CAMSAP1: variants seen among roughly 807,000 people sequenced by gnomAD.
CAMSAP1 encodes calmodulin-regulated spectrin-associated protein 1.
CAMSAP1 carries 58 observed loss-of-function variants against 143.5 expected under a neutral mutation model. That is an observed-to-expected ratio of 0.40 (90% confidence interval 0.33 to 0.50). CAMSAP1 has a LOEUF of 0.50. CAMSAP1 is among the 20% of genes least tolerant of loss of function. The probability of loss-of-function intolerance (pLI) is 0.45; values close to 1 mark genes in which losing one functional copy is unlikely to be tolerated. For synonymous variants in CAMSAP1, 945 were observed against 859.3 expected (o/e 1.10, Z -1.74); for missense variants, 1,969 against 2,115.7 (o/e 0.93, Z 1.36).
intron 1 of CAMSAP1, among the ~76,000 whole-genome samples, chr9:135,898,452 C>A (rs1838521693): frequency 6.6e-6 from 1 of 152,112 alleles, no homozygotes; most frequent in Admixed American, 6.5e-5. Context: ...CCAAACTAGT[C>A]TGGGCAACAC....
chr9:135,817,168 C>CATTT (rs1359717115), intron 14 of CAMSAP1, among the ~76,000 whole-genome samples: 1 of 152,166 alleles, frequency 6.6e-6, no homozygotes, highest in Non-Finnish European at 1.5e-5. Context: ...CATTTCAAGG[C>CATTT]CATTCATCGC....
At chr9:135,877,733 G>T (rs773458003) in intron 3 of CAMSAP1, among the ~76,000 whole-genome samples, 1 of 152,030 alleles carries the variant, frequency 6.6e-6, no homozygotes, top group Non-Finnish European at 1.5e-5. Flanking sequence ...AATTGCTTGA[G>T]CCTGGGAGGT....
In CAMSAP1 at chr9:135,818,449, T is replaced by G; in HGVS notation, c.4127A>C (p.Glu1376Ala). 1 of 1,600,528 alleles carries G rather than the reference T, an allele frequency of 6.2e-7. No homozygotes were observed. Among genetic ancestry groups the G allele is most frequent in the Non-Finnish European group, 8.5e-7 (1 of 1,177,180 alleles). The change falls in exon 13 of 17, where the codon GAA becomes GCA. Residue 1376 changes from glutamate to alanine, a missense_variant. By Grantham distance (107) the Glu-to-Ala change is moderately radical. This residue lies in a region of CAMSAP1 where 1,390 missense variants were observed against 1,420.8 expected (regional missense o/e 0.98). Coordinates refer to ENST00000389532, the MANE Select transcript of CAMSAP1 (RefSeq NM_015447.4). This position sits in a 1 kb window ranked among gnomAD's most constrained non-coding sequence, Gnocchi z 7.7. The stretch of plus-strand genomic sequence containing the variant: ...GGTGCCGGAGTCGCTGCACGACTCT[T>G]CCCGGTGCACCGACTTCGGCCGCGG... ...KKPRPKSVHR[E>A]ESCSDSGTKC...
Position 135,826,376 on chromosome 9 carries a change from G to C in CAMSAP1, c.1223+1031C>G, listed in dbSNP as rs974147138. ...GCCCCACCTCTGCTCTGAGCTCTGG[G>C]GACAGACACCCCAGTCTCAAAGCCG... On this transcript the variant is annotated intron_variant, in intron 8 of 16. Coordinates refer to ENST00000389532, the MANE Select transcript of CAMSAP1 (RefSeq NM_015447.4). This position sits in a 1 kb window ranked among gnomAD's most constrained non-coding sequence, Gnocchi z 4.4. 6.6e-6 allele frequency: 1 copy of C among 152,216 alleles called. No individual in the cohort carries two copies. Among genetic ancestry groups the C allele is most frequent in the African/African-American group, 2.4e-5 (1 of 41,396 alleles). 9.4% of individuals were successfully genotyped at this position (152,216 alleles called of 1,614,324 possible).
intron 7 of CAMSAP1, among the ~76,000 whole-genome samples, chr9:135,848,190 A>G (rs1836645006): frequency 6.6e-6 from 1 of 151,994 alleles, no homozygotes; most frequent in African/African-American, 2.4e-5. Context: ...AATAGTTACC[A>G]CAGAAGAAGA....
chr9:135,876,300 G>A (rs919867723), intron 3 of CAMSAP1, among the ~76,000 whole-genome samples: 4 of 152,228 alleles, frequency 2.6e-5, no homozygotes, highest in South Asian at 4.1e-4. Context: ...AAAGGTGGCC[G>A]GCCTGGGAGA....
At chr9:135,884,961 T>TGAAAACGTTTGCAGCA (rs1332384213) in intron 1 of CAMSAP1, among the ~76,000 whole-genome samples, 5 of 152,254 alleles carry the variant, frequency 3.3e-5, no homozygotes, top group Non-Finnish European at 5.9e-5. Context: ...TCCCATAACC[T>TGAAAACGTTTGCAGCA]GAAAACGTTT....
At position 135,824,601 on chromosome 9, in the gene CAMSAP1, G is replaced by A. The variant is rs1461533972; in HGVS notation, c.1315+188C>T. ...AATTGCTTGAACCAGGGAGTCAGAG[G>A]CTGCAGTGAGCCGAGATCGCGCCAC... On this transcript the variant is annotated intron_variant, in intron 9 of 16. Coordinates refer to ENST00000389532, the MANE Select transcript of CAMSAP1 (RefSeq NM_015447.4). The surrounding 1 kb of genome is among the most constrained non-coding windows in gnomAD (Gnocchi z 4.1). Among the ~76,000 whole-genome samples, 1 of 152,162 alleles carries A rather than the reference G, an allele frequency of 6.6e-6. No individual in the cohort carries two copies. The highest frequency in any genetic ancestry group is 1.9e-4 in the East Asian group (1 of 5,198).
chr9:135,815,436 C>T (rs1835197167), intron 15 of CAMSAP1, among the ~76,000 whole-genome samples: 3 of 151,884 alleles, frequency 2.0e-5, no homozygotes, highest in Admixed American at 2.0e-4. Context: ...ATAATTTATC[C>T]CCTTTCTAAA....
chr9:135,851,277 A>G (rs529648970), intron 5 of CAMSAP1, among the ~76,000 whole-genome samples: 1 of 152,344 alleles, frequency 6.6e-6, no homozygotes, highest in East Asian at 1.9e-4. Flanking sequence ...TTTTACATAA[A>G]TTTTATTTCT....
intron 7 of CAMSAP1, 148 bp downstream of exon 7, chr9:135,849,989 A>G: frequency 1.7e-6 from 1 of 583,766 alleles, no homozygotes; most frequent in East Asian, 3.0e-5. Flanking sequence ...CTTTCCCCAA[A>G]CTCTCACGCC....
In CAMSAP1 at chr9:135,811,568, C is replaced by T. The variant is rs746945415; in HGVS notation, c.4550G>A (p.Arg1517His). Reference protein sequence around the residue: ...CDANHYIILFRDAGCQFRALY... With the variant: ...CDANHYIILFHDAGCQFRALY... ...CGCCCTGAACTGGCAGCCAGCATCA[C>T]GAAACAGTATGATGTAGTGATTGGC... The change falls in exon 17 of 17, where the codon CGT (arginine) becomes CAT (histidine). Residue 1517 changes from arginine to histidine, a missense_variant. Physicochemically the swap from Arg to His is conservative, Grantham distance 29. This residue lies in a region of CAMSAP1 where 143 missense variants were observed against 200.6 expected (regional missense o/e 0.71). Coordinates refer to ENST00000389532, the MANE Select transcript of CAMSAP1 (RefSeq NM_015447.4). This position sits in a 1 kb window ranked among gnomAD's most constrained non-coding sequence, Gnocchi z 4.9. 1.2e-6 allele frequency: 2 copies of T among 1,600,440 alleles called. No individual in the cohort carries two copies. The highest frequency in any genetic ancestry group is 1.7e-6 in the Non-Finnish European group (2 of 1,173,172).
Position 135,824,855 on chromosome 9 carries a change from G to A in CAMSAP1, c.1249C>T (p.Pro417Ser). 1.2e-6 allele frequency: 2 copies of A among 1,601,034 alleles called. No individual in the cohort carries two copies. The highest frequency in any genetic ancestry group is 8.5e-7 in the Non-Finnish European group (1 of 1,173,742). Residue 417 changes from proline (P) to serine (S), a missense_variant, in exon 9 of 17, where the codon CCA becomes TCA. Transcript: ENST00000389532. This position sits in a 1 kb window ranked among gnomAD's most constrained non-coding sequence, Gnocchi z 4.1. The stretch of plus-strand genomic sequence containing the variant: ...CTCAGTGGCAATAAAGGATGGGATG[G>A]GCTGAAGGCAGCAGTTCCTTTCCCG... ...YLGKGTAAFS[P>S]SHPLLPLRQK... is the part of the protein sequence containing the mutation.
chr9:135,836,959 C>A lies in CAMSAP1; in HGVS notation c.1046-9375G>T, dbSNP rs1030789220. On this transcript the variant is annotated intron_variant, in intron 7 of 16. Coordinates refer to ENST00000389532, the MANE Select transcript of CAMSAP1 (RefSeq NM_015447.4). The stretch of plus-strand genomic sequence containing the variant: ...CGTTCTACAGACACACGTCACCACA[C>A]ACTTTCTACCCATTCTACAGACACA... 2.2e-5 allele frequency: 22 copies of A among 978,514 alleles called. No homozygotes were observed. The African/African-American group carries it at 3.0e-4, about 13-fold the overall frequency. The allele number at this position is 978,514 out of a possible 1,614,324, so 60.6% of individuals were successfully genotyped here.
At chr9:135,844,116 A>G (rs918829541) in intron 7 of CAMSAP1, among the ~76,000 whole-genome samples, 2 of 152,194 alleles carry the variant, frequency 1.3e-5, no homozygotes, top group African/African-American at 4.8e-5. Flanking sequence ...AGACATCAAG[A>G]GAACTCTCCA....
chr9:135,839,027 C>G (rs1407574671), intron 7 of CAMSAP1, among the ~76,000 whole-genome samples: 4 of 152,038 alleles, frequency 2.6e-5, no homozygotes, highest in Non-Finnish European at 5.9e-5. Flanking sequence ...TTGTTACGCA[C>G]TTTCTACTCC....
intron 7 of CAMSAP1, among the ~76,000 whole-genome samples, chr9:135,830,613 T>C (rs1835825642): frequency 6.6e-6 from 1 of 152,168 alleles, no homozygotes; most frequent in African/African-American, 2.4e-5. Context: ...CTTTAAATAC[T>C]GGATAGAATA....
chr9:135,835,587 AC>A lies in CAMSAP1; in HGVS notation c.1046-8004del, dbSNP rs1245401161. 3.9e-5 allele frequency among the ~76,000 whole-genome samples: 6 copies of A among 152,244 alleles called. No individual in the cohort carries two copies. The East Asian group carries it at 1.2e-3, about 29-fold the overall frequency. ...TGGTGAGCTTATCCCATGAGAAGAAACCAAGAAAGGATGACTGGTTGCTAAG... is the reference window on the plus strand; with the variant it reads ...TGGTGAGCTTATCCCATGAGAAGAAACAAGAAAGGATGACTGGTTGCTAAG... On this transcript the variant is annotated intron_variant, in intron 7 of 16. Coordinates refer to ENST00000389532, the MANE Select transcript of CAMSAP1 (RefSeq NM_015447.4).
chr9:135,821,290 G>C lies in CAMSAP1; in HGVS notation c.3371C>G (p.Thr1124Arg). 1 of 1,611,660 alleles carries C rather than the reference G, an allele frequency of 6.2e-7. No individual in the cohort carries two copies. Among genetic ancestry groups the C allele is most frequent in the Non-Finnish European group, 8.5e-7 (1 of 1,179,874 alleles). ...GTGCGGGAGCGTCTCTACACTGGGC[G>C]TTGGGGTTTTACTTCGGGAGGAGCC... ...PQGSSRSKTP[T>R]PSVETLPHLR... The change falls in exon 11 of 17, where the codon ACG becomes AGG. Residue 1124 changes from threonine (T) to arginine (R), a missense_variant. By Grantham distance (71) the Thr-to-Arg change is moderately conservative. Coordinates refer to ENST00000389532, the MANE Select transcript of CAMSAP1 (RefSeq NM_015447.4). This position sits in a 1 kb window ranked among gnomAD's most constrained non-coding sequence, Gnocchi z 4.6.
Sources: gnomAD v4.1 joint callset for allele counts (sites outside exome capture counted in the v4.1 genomes callset) on GRCh38, gnomAD v4.1.1 for gene constraint, gnomAD v4.1.1 regional missense constraint, Gnocchi (gnomAD v3.1) non-coding constraint, MANE v1.5 for transcripts, NCBI Gene and HGNC (gene_info 2026-07-23, HGNC 2026-07-21) for gene names.